The following MMP16 variants were observed in gnomAD, a reference collection of about 807,000 sequenced individuals.
The protein encoded by MMP16 is matrix metallopeptidase 16, also known as matrix metalloproteinase-16.
A neutral mutation model predicts 67.8 loss-of-function variants in MMP16; 12 were observed. That is an observed-to-expected ratio of 0.18 (90% CI 0.11 to 0.29). The LOEUF is 0.29. MMP16 is among the 10% of genes least tolerant of loss of function. MMP16 has a pLI of 1.00. For missense variants in MMP16, 475 were observed against 765.7 expected, an observed-to-expected ratio of 0.62 and a Z score of 4.48; for synonymous variants, 249 against 255.9, an observed-to-expected ratio of 0.97 and a Z score of 0.26.
intron 1 of MMP16, among the ~76,000 whole-genome samples, chr8:88,198,289 A>G (rs1809288239): frequency 1.3e-5 from 2 of 152,086 alleles, no homozygotes; most frequent in African/African-American, 4.8e-5. Flanking sequence ...CTTTACCTCA[A>G]TCTTCTATAG....
At chr8:88,222,740 C>T (rs1356286421) in intron 1 of MMP16, among the ~76,000 whole-genome samples, 1 of 152,092 alleles carries the variant, frequency 6.6e-6, no homozygotes, top group Admixed American at 6.5e-5. Context: ...ACCATAAAAA[C>T]CCTAGAAGAA....
chr8:88,101,945 T>C (rs58506377), intron 6 of MMP16, among the ~76,000 whole-genome samples: 27,799 of 151,834 alleles, frequency 0.18, 2,995 homozygotes, highest in Middle Eastern at 0.26. Context: ...ATTAAAAACA[T>C]CCAGTCTTGG....
chr8:88,265,223 CTTTTTTT>C (rs398008661), intron 1 of MMP16, among the ~76,000 whole-genome samples: 1,381 of 100,776 alleles, frequency 0.014, 42 homozygotes, highest in African/African-American at 0.053. Flanking sequence ...TGACCATTTC[CTTTTTTT>C]TTTTTTTTTT....
chr8:88,222,956 G>C (rs1809709725), intron 1 of MMP16, among the ~76,000 whole-genome samples: 1 of 152,002 alleles, frequency 6.6e-6, no homozygotes, highest in Non-Finnish European at 1.5e-5. Flanking sequence ...TCTGACAAAG[G>C]GCTAATATGC....
At chr8:88,112,665 G>T (rs1809355886) in intron 6 of MMP16, among the ~76,000 whole-genome samples, 1 of 106,382 alleles carries the variant, frequency 9.4e-6, no homozygotes, top group African/African-American at 4.0e-5. Flanking sequence ...AAGGACAGAA[G>T]GGTGTGTGTG....
At chr8:88,255,461 A>C (rs1810286901) in intron 1 of MMP16, among the ~76,000 whole-genome samples, 1 of 152,300 alleles carries the variant, frequency 6.6e-6, no homozygotes, top group South Asian at 2.1e-4. Flanking sequence ...TAACAGACTA[A>C]CACACATACA....
chr8:88,254,996 G>A (rs977368943), intron 1 of MMP16, among the ~76,000 whole-genome samples: 2 of 152,066 alleles, frequency 1.3e-5, no homozygotes, highest in African/African-American at 4.8e-5. Context: ...TAAATCTATT[G>A]TGAATCAAAT....
chr8:88,320,632 T>C (rs755684924), intron 1 of MMP16, among the ~76,000 whole-genome samples: 3 of 152,220 alleles, frequency 2.0e-5, no homozygotes, highest in Non-Finnish European at 2.9e-5. Context: ...ACTGTGTTCA[T>C]TGATTTCTTC....
chr8:88,189,778 C>T (rs112538066), intron 2 of MMP16, among the ~76,000 whole-genome samples: 100 of 152,202 alleles, frequency 6.6e-4, no homozygotes, highest in African/African-American at 2.0e-3. Context: ...CCTAATTATT[C>T]TTTAATATTC....
intron 4 of MMP16, among the ~76,000 whole-genome samples, chr8:88,148,931 G>A (rs1037389204): frequency 4.6e-5 from 7 of 152,198 alleles, no homozygotes; most frequent in Non-Finnish European, 1.0e-4. Flanking sequence ...GGTGATTTCT[G>A]CATTTCCATC....
chr8:88,127,616 C>T (rs566925086), intron 4 of MMP16, among the ~76,000 whole-genome samples: 31 of 151,868 alleles, frequency 2.0e-4, no homozygotes, highest in African/African-American at 7.0e-4. Flanking sequence ...TTTCCAAAAA[C>T]AGAAAACTTA....
intron 1 of MMP16, among the ~76,000 whole-genome samples, chr8:88,259,056 C>T (rs949023765): frequency 6.6e-6 from 1 of 152,152 alleles, no homozygotes; most frequent in Non-Finnish European, 1.5e-5. Context: ...ATCACCTCCA[C>T]ATTACAGATG....
intron 6 of MMP16, among the ~76,000 whole-genome samples, chr8:88,088,057 CTA>C (rs1563527979): frequency 1.4e-5 from 2 of 138,398 alleles, no homozygotes; most frequent in East Asian, 2.1e-4. Context: ...TCTATTATAT[CTA>C]TATATAATAG....
At chr8:88,055,161 A>C (rs1212470114) in intron 8 of MMP16, among the ~76,000 whole-genome samples, 1 of 152,136 alleles carries the variant, frequency 6.6e-6, no homozygotes, top group Non-Finnish European at 1.5e-5. Context: ...ACAAATGGGC[A>C]GGGCTAGGGC....
At chr8:88,133,666 T>G (rs1293699492) in intron 4 of MMP16, among the ~76,000 whole-genome samples, 3 of 151,728 alleles carry the variant, frequency 2.0e-5, no homozygotes, top group Non-Finnish European at 4.4e-5. Context: ...AGCCATTTTT[T>G]GACAAAAAAA....
chr8:88,240,453 C>A (rs568032170), intron 1 of MMP16, among the ~76,000 whole-genome samples: 1 of 152,022 alleles, frequency 6.6e-6, no homozygotes, highest in African/African-American at 2.4e-5. Flanking sequence ...GCAGCAAGGA[C>A]AGAGTGGAGA....
At chr8:88,283,546 T>G (rs189873580) in intron 1 of MMP16, among the ~76,000 whole-genome samples, 2 of 152,258 alleles carry the variant, frequency 1.3e-5, no homozygotes, top group East Asian at 3.9e-4. Flanking sequence ...CCTCCCTTCC[T>G]ATCTCACCCC....
At chr8:88,238,950 C>T (rs938785248) in intron 1 of MMP16, among the ~76,000 whole-genome samples, 2 of 152,022 alleles carry the variant, frequency 1.3e-5, no homozygotes, top group Non-Finnish European at 2.9e-5. Flanking sequence ...TATGGCAAAA[C>T]CCGCCTCTAC....
rs965783195 is a variant in MMP16, at chr8:88,058,209, T to C, written c.1223-1931A>G. Reference sequence around the variant, plus strand: ...TGCAAATCAACATAATGAGTTGGAATCTTACTTAGAGTGTACTGGAGGCCA... The same window carrying C: ...TGCAAATCAACATAATGAGTTGGAACCTTACTTAGAGTGTACTGGAGGCCA... On this transcript the variant is annotated intron_variant, in intron 7 of 9. Coordinates refer to ENST00000286614, the MANE Select transcript of MMP16 (RefSeq NM_005941.5). The surrounding 1 kb of genome is among the most constrained non-coding windows in gnomAD (Gnocchi z 4.2). 1.3e-5 allele frequency among the ~76,000 whole-genome samples: 2 copies of C among 152,178 alleles called. No homozygotes were observed. Among genetic ancestry groups the C allele is most frequent in the African/African-American group, 2.4e-5 (1 of 41,460 alleles).
Sources: allele counts gnomAD v4.1 joint callset (sites outside exome capture counted in the v4.1 genomes callset), GRCh38; gene constraint gnomAD v4.1.1; non-coding constraint Gnocchi (gnomAD v3.1); transcripts MANE v1.5; gene names NCBI Gene and HGNC (gene_info 2026-07-23, HGNC 2026-07-21).